Variants in ITGA10 observed in about 807,000 individuals in gnomAD.
ITGA10 encodes integrin alpha-10.
ITGA10 carries 105 observed loss-of-function variants against 145.2 expected under a neutral mutation model. The observed-to-expected ratio is 0.72, with a 90% CI of 0.62 to 0.85. The LOEUF is 0.85. Ranked by LOEUF, ITGA10 falls within the 40% of genes least tolerant of loss-of-function variation. The pLI, the probability that ITGA10 is intolerant of heterozygous loss-of-function variation, is 0.00. For missense variants in ITGA10, 1,317 were observed against 1,444.5 expected (o/e 0.91, Z 1.43); for synonymous variants, 506 against 557.8 (o/e 0.91, Z 1.31).
chr1:145,907,508 G>C, intron 1 of ITGA10, 43 bp from the exon 2 acceptor site: 1 of 1,611,518 alleles, frequency 6.2e-7, no homozygotes. Flanking sequence ...GTAGTGAATG[G>C]CTAGAGGCAC....
intron 1 of ITGA10, among the ~76,000 whole-genome samples, chr1:145,908,216 T>C (rs1401699074): frequency 6.6e-6 from 1 of 152,188 alleles, no homozygotes; most frequent in Admixed American, 6.5e-5. Context: ...TAAGGAGCAC[T>C]GCATGTCTGG....
chr1:145,896,407 G>C (rs895912150), intron 23 of ITGA10, 55 bp from the exon 24 acceptor site: 27 of 1,357,988 alleles, frequency 2.0e-5, no homozygotes, highest in Non-Finnish European at 2.4e-5. Context: ...ACAGACACAG[G>C]GGCACATGAT....
chr1:145,897,822 C>G lies in ITGA10; in HGVS notation c.2425G>C (p.Gly809Arg). ...AGTACATGTCCATCCAACCTGGAGC[C>G]TCTGATGTCCATATTCACTTGAAGC... ...LVLQVNMDIRGSRKAPFVVRG... is the reference protein window; with the variant it reads ...LVLQVNMDIRRSRKAPFVVRG... The change falls in exon 19 of 30, where the codon GGC (glycine) becomes CGC (arginine). Residue 809 changes from glycine (G) to arginine (R), a missense_variant. Transcript: ENST00000369304. The G allele has an allele frequency of 6.2e-7, 1 of 1,614,022 alleles. No homozygotes were observed. Among genetic ancestry groups the G allele is most frequent in the Non-Finnish European group, 8.5e-7 (1 of 1,179,908 alleles).
chr1:145,893,300 T>C (rs782457893), intron 28 of ITGA10, 26 bp from the exon 29 acceptor site: 1 of 1,520,042 alleles, frequency 6.6e-7, no homozygotes, highest in South Asian at 1.1e-5. Flanking sequence ...AGTAGTTTTC[T>C]ACATGCATCC....
chr1:145,897,198 C>T (rs1553745489), intron 21 of ITGA10, 49 bp downstream of exon 21: 2 of 1,595,178 alleles, frequency 1.3e-6, no homozygotes, highest in Non-Finnish European at 1.7e-6. Flanking sequence ...CCTCAGATCC[C>T]AGCCTCTGCC....
Position 145,892,674 on chromosome 1 carries a change from C to A in ITGA10, c.*124G>T, listed in dbSNP as rs1408227546. On this transcript the variant is annotated 3_prime_UTR_variant, in exon 30 of 30. Transcript: ENST00000369304. ...CCTAGGACTCAAAAGTCAAGTCAGGCTGCTGGTCTGGGGAGATAGTCCAGA... is the reference window on the plus strand; with the variant it reads ...CCTAGGACTCAAAAGTCAAGTCAGGATGCTGGTCTGGGGAGATAGTCCAGA... The A allele has an allele frequency of 3.0e-5, 21 of 698,812 alleles. No individual in the cohort carries two copies. In the Admixed American group the frequency reaches 5.1e-4, roughly 17 times the overall value. The allele number at this position is 698,812 out of a possible 1,614,324, so 43.3% of individuals were successfully genotyped here.
intron 27 of ITGA10, 93 bp from the exon 28 acceptor site, chr1:145,893,728 G>T (rs587739333): frequency 2.1e-6 from 2 of 945,500 alleles, no homozygotes; most frequent in South Asian, 2.9e-5. Flanking sequence ...GAGGCTGAGA[G>T]GCATAATGTT....
chr1:145,907,597 C>G, intron 1 of ITGA10, 132 bp from the exon 2 acceptor site: 1 of 1,480,848 alleles, frequency 6.8e-7, no homozygotes, highest in Non-Finnish European at 8.9e-7. Context: ...TTTCTGGCCT[C>G]TCTCAGTGTC....
At chr1:145,899,400 A>C in intron 15 of ITGA10, 59 bp from the exon 16 acceptor site, 1 of 1,565,810 alleles carries the variant, frequency 6.4e-7, no homozygotes, top group Non-Finnish European at 8.7e-7. Context: ...TGAGAAGTGC[A>C]AGCCCAGTGT....
In ITGA10 at chr1:145,906,438, T is replaced by A. The variant is rs782053719; in HGVS notation, c.437A>T (p.Asp146Val). The A allele has an allele frequency of 4.3e-6, 7 of 1,613,980 alleles. No individual in the cohort carries two copies. The South Asian group carries it at 7.7e-5, about 18-fold the overall frequency. ...GCTTCCCTGAGGCTGGAATGAAGCA[T>A]CCACACGGGCACATATCCCAGAACT... is the stretch of plus-strand genomic sequence containing the variant. ...VFSSGICARV[D>V]ASFQPQGSLA... Residue 146 changes from aspartate to valine, a missense_variant, in exon 5 of 30, where the codon GAT becomes GTT. By Grantham distance (152) the Asp-to-Val change is radical. Transcript: ENST00000369304.
In ITGA10 at chr1:145,901,756, G is replaced by C; in HGVS notation, c.1295-92C>G. The C allele has an allele frequency of 6.5e-7, 1 of 1,540,168 alleles. No individual in the cohort carries two copies. Among genetic ancestry groups the C allele is most frequent in the South Asian group, 1.2e-5 (1 of 80,306 alleles). ...AAAGGCATAGCAGGAGGTCCCAAGG[G>C]AAGTAACCAGAGGTCAGTGAGAAAC... On this transcript the variant is annotated intron_variant, in intron 11 of 29. Coordinates refer to ENST00000369304, the MANE Select transcript of ITGA10 (RefSeq NM_003637.5). This position sits in a 1 kb window ranked among gnomAD's most constrained non-coding sequence, Gnocchi z 4.3.
chr1:145,909,684 TATATA>T lies in ITGA10; in HGVS notation c.52+274_52+278del, dbSNP rs1657644285. 4.2e-5 allele frequency among the ~76,000 whole-genome samples: 2 copies of T among 47,596 alleles called. 1 individual carries two copies. Among genetic ancestry groups the T allele is most frequent in the South Asian group, 1.2e-3 (2 of 1,652 alleles). 31.2% of individuals were successfully genotyped at this position (47,596 alleles called of 152,430 possible). A position where few individuals can be genotyped will look rare whatever the true frequency, so the allele number is the denominator to read the frequency against. ...ATTGTTATATATTATATGTATATTA[TATATA>T]ATATATAATTATACATTATATATTA... On this transcript the variant is annotated intron_variant, in intron 1 of 29. Coordinates refer to ENST00000369304, the MANE Select transcript of ITGA10 (RefSeq NM_003637.5).
At chr1:145,907,191 A>G (rs373493765) in intron 2 of ITGA10, 41 bp from the exon 3 acceptor site, 376 of 1,561,118 alleles carry the variant, frequency 2.4e-4, no homozygotes, top group Non-Finnish European at 3.2e-4. Context: ...CAGGGCAAAC[A>G]TGACCCTTGA....
intron 3 of ITGA10, 42 bp from the exon 4 acceptor site, chr1:145,906,866 T>G: frequency 6.9e-5 from 96 of 1,398,388 alleles, no homozygotes; most frequent in African/African-American, 9.9e-5. Flanking sequence ...CATGGGGTCA[T>G]AGATGGGGTG....
Position 145,895,614 on chromosome 1 carries a change from C to A in ITGA10, c.3114+17G>T. On this transcript the variant is annotated intron_variant, in intron 26 of 29. Transcript: ENST00000369304. ...CCACTTGCATTCCCACTCTGGACACCCCTTTGTGACTCATACCAGTCTGTT... is the reference window on the plus strand; with the variant it reads ...CCACTTGCATTCCCACTCTGGACACACCTTTGTGACTCATACCAGTCTGTT... 5 of 1,612,896 alleles carry A rather than the reference C, an allele frequency of 3.1e-6. No individual in the cohort carries two copies. The highest frequency in any genetic ancestry group is 1.1e-5 in the South Asian group (1 of 91,032).
rs782322281 is a variant in ITGA10, at chr1:145,891,482, C to T, written c.*1316G>A. 1 of 152,382 alleles carries T rather than the reference C, an allele frequency of 6.6e-6. No individual in the cohort carries two copies. The highest frequency in any genetic ancestry group is 1.5e-5 in the Non-Finnish European group (1 of 68,046). 9.4% of individuals were successfully genotyped at this position (152,382 alleles called of 1,614,324 possible). A position where few individuals can be genotyped will look rare whatever the true frequency, so the allele number is the denominator to read the frequency against. ...CACTCTGGAGACCAATAACTGACTTCGATATCTCAAGTCTTGATTACAAAG... is the reference window on the plus strand; with the variant it reads ...CACTCTGGAGACCAATAACTGACTTTGATATCTCAAGTCTTGATTACAAAG... On this transcript the variant is annotated 3_prime_UTR_variant, in exon 30 of 30. Transcript: ENST00000369304.
Position 145,895,694 on chromosome 1 carries a change from C to T in ITGA10, c.3051G>A (p.Gln1017=). The T allele has an allele frequency of 6.2e-7, 1 of 1,614,250 alleles. No homozygotes were observed. Among genetic ancestry groups the T allele is most frequent in the Non-Finnish European group, 8.5e-7 (1 of 1,180,044 alleles). Residue 1017 remains glutamine (Q), a synonymous_variant, in exon 26 of 30, where the codon CAG becomes CAA. Coordinates refer to ENST00000369304, the MANE Select transcript of ITGA10 (RefSeq NM_003637.5). ...GTGGGCCTGGGGGTTCAGTCAGGTTCTGCACTATGCAGCTTGCCTAGAGGA... is the reference window on the plus strand; with the variant it reads ...GTGGGCCTGGGGGTTCAGTCAGGTTTTGCACTATGCAGCTTGCCTAGAGGA... ...VITNNASCIV[Q]NLTEPPGPPV...
chr1:145,893,125 A>G lies in ITGA10; in HGVS notation c.3438+36T>C, dbSNP rs112957807. 4.1e-6 allele frequency: 6 copies of G among 1,459,096 alleles called. No individual in the cohort carries two copies. The African/African-American group carries it at 4.2e-5, about 10-fold the overall frequency. 90.4% of individuals were successfully genotyped at this position (1,459,096 alleles called of 1,614,324 possible). A position where few individuals can be genotyped will look rare whatever the true frequency, so the allele number is the denominator to read the frequency against. Reference sequence around the variant, plus strand: ...ATCAAGGATCCCTCAACTCATGGGCATCATGCTCCACACTCCCCACTAAAG... The same window carrying G: ...ATCAAGGATCCCTCAACTCATGGGCGTCATGCTCCACACTCCCCACTAAAG... On this transcript the variant is annotated intron_variant, in intron 29 of 29. Transcript: ENST00000369304.
chr1:145,897,115 TAG>T, intron 21 of ITGA10, 28 bp from the exon 22 acceptor site: 1 of 1,598,128 alleles, frequency 6.3e-7, no homozygotes, highest in African/African-American at 1.3e-5. Context: ...AGGGTAATGG[TAG>T]AGTCTTCCTC....
Sources: allele counts gnomAD v4.1 joint callset (sites outside exome capture counted in the v4.1 genomes callset), GRCh38; gene constraint gnomAD v4.1.1; non-coding constraint Gnocchi (gnomAD v3.1); transcripts MANE v1.5; gene names NCBI Gene and HGNC (gene_info 2026-07-23, HGNC 2026-07-21).